EPHA5: variants seen among roughly 807,000 people sequenced by gnomAD.
EPHA5 encodes the protein EPH receptor A5, also known as ephrin type-A receptor 5.
A neutral mutation model predicts 105.0 loss-of-function variants in EPHA5; 60 were observed. The observed-to-expected ratio is 0.57, with a 90% CI of 0.46 to 0.71. EPHA5 has a LOEUF of 0.71. EPHA5 is among the 30% of genes least tolerant of loss of function. The pLI is 0.00. For synonymous variants in EPHA5, 513 were observed against 449.1 expected (o/e 1.14, Z -1.80); for missense variants, 1,218 against 1,274.7 (o/e 0.96, Z 0.68).
intron 2 of EPHA5, among the ~76,000 whole-genome samples, chr4:65,611,401 A>G (rs1560771499): frequency 6.6e-6 from 1 of 152,094 alleles, no homozygotes; most frequent in Non-Finnish European, 1.5e-5. Flanking sequence ...TGAAAGTTCC[A>G]GTAAGTAAGG....
chr4:65,598,838 A>C (rs573700266), intron 3 of EPHA5, among the ~76,000 whole-genome samples: 2 of 152,240 alleles, frequency 1.3e-5, no homozygotes, highest in South Asian at 2.1e-4. Context: ...GCTAGTGCAT[A>C]GGGAAGGGGA....
At chr4:65,649,176 A>G (rs1366851147) in intron 1 of EPHA5, among the ~76,000 whole-genome samples, 1 of 152,202 alleles carries the variant, frequency 6.6e-6, no homozygotes, top group Non-Finnish European at 1.5e-5. Flanking sequence ...TGCTTACTAT[A>G]TGTCAGGTGC....
intron 5 of EPHA5, among the ~76,000 whole-genome samples, chr4:65,430,266 A>AT (rs1396075263): frequency 6.6e-6 from 1 of 151,994 alleles, no homozygotes; most frequent in African/African-American, 2.4e-5. Flanking sequence ...TAAAATCCAT[A>AT]TTTTTTGTTC....
chr4:65,616,189 G>T (rs571012893), intron 2 of EPHA5, among the ~76,000 whole-genome samples: 2 of 151,954 alleles, frequency 1.3e-5, no homozygotes, highest in South Asian at 4.1e-4. Context: ...TACACAAAAC[G>T]TTAATACTTT....
At chr4:65,540,136 A>G (rs1217399837) in intron 3 of EPHA5, among the ~76,000 whole-genome samples, 1 of 151,620 alleles carries the variant, frequency 6.6e-6, no homozygotes, top group African/African-American at 2.4e-5. Flanking sequence ...AAAGCTTATC[A>G]TAAATGTCAT....
chr4:65,661,211 C>G (rs1225720825), intron 1 of EPHA5, among the ~76,000 whole-genome samples: 1 of 151,916 alleles, frequency 6.6e-6, no homozygotes, highest in Non-Finnish European at 1.5e-5. Flanking sequence ...AAACTAAAAC[C>G]ATGTTTGTTT....
chr4:65,470,002 A>T (rs1427280376), intron 5 of EPHA5, among the ~76,000 whole-genome samples: 1 of 152,122 alleles, frequency 6.6e-6, no homozygotes, highest in Non-Finnish European at 1.5e-5. Context: ...ATCAAAGGAG[A>T]GTAGATTGCT....
chr4:65,515,233 G>C (rs1354037549), intron 3 of EPHA5, among the ~76,000 whole-genome samples: 1 of 151,934 alleles, frequency 6.6e-6, no homozygotes, highest in East Asian at 1.9e-4. Flanking sequence ...ATAATTACTA[G>C]CTTTAAACAA....
intron 3 of EPHA5, chr4:65,573,480 A>AAGCCAGAT: frequency 6.5e-7 from 1 of 1,538,568 alleles, no homozygotes. Context: ...AAAAGTTTAG[A>AAGCCAGAT]AGCCAGATAC....
intron 8 of EPHA5, among the ~76,000 whole-genome samples, chr4:65,397,935 A>G (rs1349453): frequency 0.98 from 149,446 of 152,264 alleles, 73,421 homozygotes; most frequent in East Asian, 1. Flanking sequence ...CTGGAGAAGC[A>G]GTTGCAAAGA....
chr4:65,441,830 T>G (rs1312456675), intron 5 of EPHA5, among the ~76,000 whole-genome samples: 1 of 152,168 alleles, frequency 6.6e-6, no homozygotes, highest in African/African-American at 2.4e-5. Context: ...AGAATAATTA[T>G]CAAGGAAATC....
At chr4:65,595,366 A>G (rs1341818347) in intron 3 of EPHA5, among the ~76,000 whole-genome samples, 3 of 152,056 alleles carry the variant, frequency 2.0e-5, no homozygotes, top group Non-Finnish European at 1.5e-5. Context: ...GTCTAACGAG[A>G]TAGCAAATTT....
intron 11 of EPHA5, among the ~76,000 whole-genome samples, chr4:65,364,067 C>T (rs771726714): frequency 2.0e-5 from 3 of 151,552 alleles, no homozygotes; most frequent in Non-Finnish European, 4.4e-5. Context: ...TCCAGAAATG[C>T]CGTGTCTGGG....
At chr4:65,552,940 T>C (rs1285633940) in intron 3 of EPHA5, among the ~76,000 whole-genome samples, 2 of 152,140 alleles carry the variant, frequency 1.3e-5, no homozygotes, top group East Asian at 3.8e-4. Context: ...ATTGCTTTAT[T>C]ATTTAGAAAT....
At chr4:65,507,735 A>T (rs1733199203) in intron 3 of EPHA5, among the ~76,000 whole-genome samples, 1 of 152,114 alleles carries the variant, frequency 6.6e-6, no homozygotes, top group South Asian at 2.1e-4. Flanking sequence ...GAGACTGCTG[A>T]AGTTGCTTAT....
At chr4:65,421,777 A>C (rs1281350223) in intron 5 of EPHA5, among the ~76,000 whole-genome samples, 1 of 152,138 alleles carries the variant, frequency 6.6e-6, no homozygotes, top group Non-Finnish European at 1.5e-5. Context: ...TACATTTCTA[A>C]GATGAGAAAA....
intron 3 of EPHA5, among the ~76,000 whole-genome samples, chr4:65,562,322 T>C (rs567294385): frequency 2.6e-5 from 4 of 152,166 alleles, no homozygotes; most frequent in African/African-American, 9.6e-5. Flanking sequence ...ATTTTTAACT[T>C]TTAAGGCCAT....
At chr4:65,654,072 G>A (rs1194581405) in intron 1 of EPHA5, among the ~76,000 whole-genome samples, 1 of 151,814 alleles carries the variant, frequency 6.6e-6, no homozygotes, top group Non-Finnish European at 1.5e-5. Flanking sequence ...ATGGCTATCG[G>A]TGCTTCTCTT....
At chr4:65,352,031 G>C (rs906861062) in intron 12 of EPHA5, among the ~76,000 whole-genome samples, 1 of 152,022 alleles carries the variant, frequency 6.6e-6, no homozygotes, top group African/African-American at 2.4e-5. Context: ...CAGCAGATGG[G>C]AGACGGGTGA....
Sources: gnomAD v4.1 joint callset for allele counts (sites outside exome capture counted in the v4.1 genomes callset) on GRCh38, gnomAD v4.1.1 for gene constraint, MANE v1.5 for transcripts, NCBI Gene and HGNC (gene_info 2026-07-23, HGNC 2026-07-21) for gene names.